The following IFFO2 variants were observed in gnomAD, a reference collection of about 807,000 sequenced individuals.
IFFO2 encodes intermediate filament family orphan 2.
Under a neutral mutation model 53.5 loss-of-function variants are expected in IFFO2, and 19 were observed. The observed-to-expected ratio is 0.36, with a 90% CI of 0.25 to 0.52. The LOEUF is 0.52. Ranked by LOEUF, IFFO2 falls within the 20% of genes least tolerant of loss-of-function variation. The probability of loss-of-function intolerance (pLI) is 0.94; values close to 1 mark genes in which losing one functional copy is unlikely to be tolerated. For missense variants in IFFO2, 570 were observed against 727.4 expected, an observed-to-expected ratio of 0.78 and a Z score of 2.49; for synonymous variants, 303 against 313.6, an observed-to-expected ratio of 0.97 and a Z score of 0.36.
chr1:18,916,122 C>CA lies in IFFO2; in HGVS notation c.1103+780dup, dbSNP rs35729417. On this transcript the variant is annotated intron_variant, in intron 5 of 8. Coordinates refer to ENST00000455833, the MANE Select transcript of IFFO2 (RefSeq NM_001136265.2). The surrounding 1 kb of genome is among the most constrained non-coding windows in gnomAD (Gnocchi z 4.3). ...TCTGGGTGACAGAGTGAGACTGTCT[C>CA]AAAAAAAAAAATAGCCTACAAATAA... Among the ~76,000 whole-genome samples, 18,848 of 146,192 alleles carry CA rather than the reference C, an allele frequency of 0.13. 1,530 individuals are homozygous for CA. The highest frequency in any genetic ancestry group is 0.3 in the East Asian group (1,485 of 5,024).
intron 1 of IFFO2, among the ~76,000 whole-genome samples, chr1:18,939,460 TCCC>T (rs1936492510): frequency 6.6e-6 from 1 of 152,168 alleles, no homozygotes; most frequent in Admixed American, 6.5e-5. Context: ...GGCCTCAGTT[TCCC>T]CATCAGGAAA....
intron 1 of IFFO2, among the ~76,000 whole-genome samples, chr1:18,951,212 G>T (rs548532663): frequency 5.5e-4 from 83 of 152,236 alleles, no homozygotes; most frequent in African/African-American, 2.0e-3. Context: ...GCTATGGTGG[G>T]CAACATGGGT....
intron 8 of IFFO2, 117 bp from the exon 9 acceptor site, chr1:18,908,783 C>T: frequency 1.4e-6 from 1 of 718,754 alleles, no homozygotes. Context: ...GGGGCCTGGT[C>T]CTGAGCTCCT....
Position 18,918,516 on chromosome 1 carries a change from A to G in IFFO2, c.823-14T>C. The G allele has an allele frequency of 2.6e-6, 4 of 1,551,854 alleles. No individual in the cohort carries two copies. Among genetic ancestry groups the G allele is most frequent in the Non-Finnish European group, 3.5e-6 (4 of 1,146,972 alleles). ...GTCTGTCATGGGCTGCAGGGAGGAC[A>G]GCAGGGTTTACATGAGCGAGGGATG... On this transcript the variant is annotated splice_polypyrimidine_tract_variant and intron_variant, in intron 3 of 8. Coordinates refer to ENST00000455833, the MANE Select transcript of IFFO2 (RefSeq NM_001136265.2). This position sits in a 1 kb window ranked among gnomAD's most constrained non-coding sequence, Gnocchi z 5.2.
intron 1 of IFFO2, among the ~76,000 whole-genome samples, chr1:18,949,506 G>A (rs867195356): frequency 3.3e-5 from 5 of 152,236 alleles, no homozygotes; most frequent in African/African-American, 9.6e-5. Context: ...AGCCATCCGC[G>A]ACATAGGAAA....
At chr1:18,915,472 G>A (rs35573304) in intron 5 of IFFO2, among the ~76,000 whole-genome samples, 12,380 of 152,060 alleles carry the variant, frequency 0.081, 679 homozygotes, top group East Asian at 0.19. Flanking sequence ...AAGAGCTGGC[G>A]CCAGCAGGCT....
At chr1:18,912,378 AT>A (rs1474851762) in intron 5 of IFFO2, among the ~76,000 whole-genome samples, 1 of 152,040 alleles carries the variant, frequency 6.6e-6, no homozygotes, top group African/African-American at 2.4e-5. Context: ...CAATCTTGCA[AT>A]TTTCCTCATT....
chr1:18,913,831 GT>G (rs1936085681), intron 5 of IFFO2, among the ~76,000 whole-genome samples: 1 of 146,522 alleles, frequency 6.8e-6, no homozygotes, highest in African/African-American at 2.6e-5. Flanking sequence ...TTGTTTTTTT[GT>G]TTGTTTGTTT....
rs1935911425 is a variant in IFFO2 at position 18,904,302 on chromosome 1, T to A, written c.*4259A>T. ...CCATCAGTTCTAAGACATTTCACTT[T>A]ATTTAAAAGAAGCCAATATACAGGA... On this transcript the variant is annotated 3_prime_UTR_variant, in exon 9 of 9. Coordinates refer to ENST00000455833, the MANE Select transcript of IFFO2 (RefSeq NM_001136265.2). The A allele has an allele frequency of 6.6e-6, 1 of 152,206 alleles. No individual in the cohort carries two copies. The highest frequency in any genetic ancestry group is 1.5e-5 in the Non-Finnish European group (1 of 68,046). 9.4% of individuals were successfully genotyped at this position (152,206 alleles called of 1,614,324 possible). A position where few individuals can be genotyped will look rare whatever the true frequency, so the allele number is the denominator to read the frequency against.
chr1:18,910,646 A>T (rs967995362), intron 7 of IFFO2, among the ~76,000 whole-genome samples, 174 bp from the exon 8 acceptor site: 1 of 152,212 alleles, frequency 6.6e-6, no homozygotes, highest in African/African-American at 2.4e-5. Context: ...TGCTCTCTGC[A>T]CATGGGTCCA....
chr1:18,950,344 C>A (rs1471336093), intron 1 of IFFO2, among the ~76,000 whole-genome samples: 1 of 152,136 alleles, frequency 6.6e-6, no homozygotes, highest in African/African-American at 2.4e-5. Context: ...ACAGACTTTG[C>A]CAGGGGAAGG....
chr1:18,955,786 C>A lies in IFFO2; in HGVS notation c.547G>T (p.Val183Leu). The A allele has an allele frequency of 6.5e-7, 1 of 1,547,766 alleles. No homozygotes were observed. Residue 183 changes from valine to leucine, a missense_variant, in exon 1 of 9, where the codon GTG (valine) becomes TTG (leucine). Transcript: ENST00000455833. ...GGVETVQGPG[V>L]SWVHPDGVGV... is the part of the protein sequence containing the mutation. The stretch of plus-strand genomic sequence containing the variant: ...ACGCCGTCGGGGTGCACCCACGACA[C>A]GCCGGGGCCCTGCACGGTCTCCACG...
intron 1 of IFFO2, among the ~76,000 whole-genome samples, chr1:18,938,344 G>A (rs28403315): frequency 0.086 from 13,030 of 152,308 alleles, 858 homozygotes; most frequent in East Asian, 0.28. Context: ...CTGCTGGGAA[G>A]GCTGGGAGGG....
chr1:18,919,763 T>A lies in IFFO2; in HGVS notation c.737A>T (p.Glu246Val). 1 of 1,551,260 alleles carries A rather than the reference T, an allele frequency of 6.4e-7. No individual in the cohort carries two copies. Among genetic ancestry groups the A allele is most frequent in the Non-Finnish European group, 8.7e-7 (1 of 1,146,694 alleles). Residue 246 changes from glutamate (E) to valine (V), a missense_variant, in exon 3 of 9, where the codon GAG (glutamate) becomes GTG (valine). Glu to Val is a moderately radical substitution (Grantham distance 121). Transcript: ENST00000455833. The surrounding 1 kb of genome is among the most constrained non-coding windows in gnomAD (Gnocchi z 4.9). ...CATCTCCTCCTGGATGGCATCAGCC[T>A]CCTGTGCTGCCTGCGGGGACGGAGA... ...MVDTLQEAAQ[E>V]ADAIQEEMNE...
At chr1:18,954,066 T>C (rs1936692297) in intron 1 of IFFO2, among the ~76,000 whole-genome samples, 1 of 152,184 alleles carries the variant, frequency 6.6e-6, no homozygotes, top group Non-Finnish European at 1.5e-5. Context: ...GTGGCCTCCC[T>C]GTGGCAAGGC....
intron 1 of IFFO2, among the ~76,000 whole-genome samples, chr1:18,931,622 T>C (rs1936376177): frequency 6.6e-6 from 1 of 152,196 alleles, no homozygotes; most frequent in Non-Finnish European, 1.5e-5. Flanking sequence ...AGAATTTGCA[T>C]TTATTGTAAA....
Position 18,917,028 on chromosome 1 carries a change from C to A in IFFO2, c.978G>T (p.Lys326Asn), listed in dbSNP as rs899659541. 17 of 1,552,154 alleles carry A rather than the reference C, an allele frequency of 1.1e-5. No individual in the cohort carries two copies. The highest frequency in any genetic ancestry group is 1.4e-5 in the Non-Finnish European group (16 of 1,147,112). The change falls in exon 5 of 9, where the codon AAG becomes AAT. Residue 326 changes from lysine (K) to asparagine (N), a missense_variant. Coordinates refer to ENST00000455833, the MANE Select transcript of IFFO2 (RefSeq NM_001136265.2). The surrounding 1 kb of genome is among the most constrained non-coding windows in gnomAD (Gnocchi z 5.9). ...VSKIFQVVPKKKERKVASDDD... is the reference protein window; with the variant it reads ...VSKIFQVVPKNKERKVASDDD... ...CATCGGAAGCCACCTTACGCTCTTT[C>A]TTTTTGGGGACCACCTGAACCGGAA...
intron 1 of IFFO2, among the ~76,000 whole-genome samples, chr1:18,941,732 C>T (rs1253986231): frequency 6.6e-6 from 1 of 152,200 alleles, no homozygotes; most frequent in Non-Finnish European, 1.5e-5. Flanking sequence ...GAATCCTGAT[C>T]CTGGCCCTAC....
chr1:18,950,437 T>C (rs1936645463), intron 1 of IFFO2, among the ~76,000 whole-genome samples: 1 of 152,128 alleles, frequency 6.6e-6, no homozygotes, highest in Non-Finnish European at 1.5e-5. Flanking sequence ...TTGTTCCTTC[T>C]CAATCCCTGG....
Sources: allele counts gnomAD v4.1 joint callset (sites outside exome capture counted in the v4.1 genomes callset), GRCh38; gene constraint gnomAD v4.1.1; non-coding constraint Gnocchi (gnomAD v3.1); transcripts MANE v1.5; gene names NCBI Gene and HGNC (gene_info 2026-07-23, HGNC 2026-07-21).